DSTN: variants seen among roughly 807,000 people sequenced by gnomAD.
DSTN encodes destrin.
Under a neutral mutation model 16.8 loss-of-function variants are expected in DSTN, and 10 were observed. The observed-to-expected ratio is 0.60, with a 90% confidence interval of 0.37 to 1.01. The LOEUF is 1.01. DSTN is among the 50% of genes least tolerant of loss of function. The pLI, the probability that DSTN is intolerant of heterozygous loss-of-function variation, is 0.01. For synonymous variants in DSTN, 57 were observed against 58.9 expected, an observed-to-expected ratio of 0.97 and a Z score of 0.14; for missense variants, 141 against 196.7, an observed-to-expected ratio of 0.72 and a Z score of 1.69.
chr20:17,570,359 G>C (rs1204851345), intron 1 of DSTN, 148 bp downstream of exon 1: 6 of 1,175,228 alleles, frequency 5.1e-6, no homozygotes, highest in East Asian at 3.2e-5. Flanking sequence ...TGCGGGTGAG[G>C]GGGGGTCTCT....
chr20:17,570,307 C>A (rs572421159), intron 1 of DSTN, 96 bp downstream of exon 1: 3 of 1,365,482 alleles, frequency 2.2e-6, no homozygotes, highest in Non-Finnish European at 1.9e-6. Flanking sequence ...TGAGCCGTGC[C>A]TCAGCCCGGG....
At chr20:17,578,285 C>G (rs2035301852) in intron 1 of DSTN, among the ~76,000 whole-genome samples, 2 of 152,224 alleles carry the variant, frequency 1.3e-5, no homozygotes, top group South Asian at 4.1e-4. Flanking sequence ...ACTGAATGAA[C>G]ATGAATGAGT....
chr20:17,606,794 A>G (rs1018918288), intron 3 of DSTN, among the ~76,000 whole-genome samples: 2 of 152,282 alleles, frequency 1.3e-5, no homozygotes, highest in East Asian at 3.9e-4. Flanking sequence ...TGCTATACCT[A>G]TATATATAAT....
intron 1 of DSTN, among the ~76,000 whole-genome samples, chr20:17,572,625 A>G (rs1264319469): frequency 6.6e-6 from 1 of 152,238 alleles, no homozygotes; most frequent in Non-Finnish European, 1.5e-5. Context: ...TTGGCGCAGT[A>G]TTCAAGTATT....
intron 1 of DSTN, among the ~76,000 whole-genome samples, chr20:17,597,763 C>T (rs1404256512): frequency 6.6e-6 from 1 of 152,196 alleles, no homozygotes; most frequent in African/African-American, 2.4e-5. Flanking sequence ...AGTATATTCA[C>T]AGTTGTGTAT....
rs1395925889 is a variant in DSTN, at chr20:17,570,177, TC to T, written c.-27del. The T allele has an allele frequency of 1.3e-6, 2 of 1,517,038 alleles. No homozygotes were observed. The highest frequency in any genetic ancestry group is 2.7e-5 in the East Asian group (1 of 37,284). 94.0% of individuals were successfully genotyped at this position (1,517,038 alleles called of 1,614,324 possible). A position where few individuals can be genotyped will look rare whatever the true frequency, so the allele number is the denominator to read the frequency against. The stretch of plus-strand genomic sequence containing the variant: ...GCATACTCGCTGCCCGCCGGCTCCC[TC>T]CCCCGCGTCCCTGCGACCGCCGCGG... On this transcript the variant is annotated 5_prime_UTR_variant, in exon 1 of 4. Coordinates refer to ENST00000246069, the MANE Select transcript of DSTN (RefSeq NM_006870.4).
intron 1 of DSTN, among the ~76,000 whole-genome samples, chr20:17,583,348 C>G (rs2035367385): frequency 6.6e-6 from 1 of 152,146 alleles, no homozygotes; most frequent in African/African-American, 2.4e-5. Context: ...CCTACATATC[C>G]AAGCAAAATG....
At chr20:17,580,759 A>T (rs2035334175) in intron 1 of DSTN, among the ~76,000 whole-genome samples, 1 of 152,140 alleles carries the variant, frequency 6.6e-6, no homozygotes, top group South Asian at 2.1e-4. Context: ...AAAAAAAAAA[A>T]AAAATGGGAA....
At position 17,607,159 on chromosome 20, in the gene DSTN, C is replaced by A. The variant is rs751925553; in HGVS notation, c.*13C>A. The A allele has an allele frequency of 1.3e-5, 21 of 1,603,590 alleles. No individual in the cohort carries two copies. The Admixed American group carries it at 3.6e-4, about 27-fold the overall frequency. On this transcript the variant is annotated 3_prime_UTR_variant, in exon 4 of 4. Coordinates refer to ENST00000246069, the MANE Select transcript of DSTN (RefSeq NM_006870.4). ...ATGCCCTGTGTAGATTATTCAGTGC[C>A]ACAAATTGAAAGCTTCCATGTTTAA...
intron 1 of DSTN, among the ~76,000 whole-genome samples, chr20:17,571,208 C>T (rs568774477): frequency 6.6e-6 from 1 of 152,348 alleles, no homozygotes; most frequent in East Asian, 1.9e-4. Context: ...AGTGTGCACA[C>T]ACTGTTACCA....
intron 1 of DSTN, chr20:17,596,606 CTGAA>C (rs1568737891): frequency 1.0e-6 from 1 of 985,118 alleles, no homozygotes; most frequent in East Asian, 1.1e-4. Context: ...GCTTTCTTCT[CTGAA>C]TATTTGTAAT....
intron 1 of DSTN, among the ~76,000 whole-genome samples, chr20:17,589,411 A>T (rs748201781): frequency 6.6e-6 from 1 of 152,164 alleles, no homozygotes; most frequent in Non-Finnish European, 1.5e-5. Flanking sequence ...GGGTTTCACC[A>T]TGTTAACCAG....
chr20:17,593,470 T>C (rs1255562205), intron 1 of DSTN, among the ~76,000 whole-genome samples: 1 of 152,164 alleles, frequency 6.6e-6, no homozygotes, highest in Non-Finnish European at 1.5e-5. Flanking sequence ...GGAGATGATA[T>C]TAAGTAATTT....
At chr20:17,570,425 G>C (rs1215003914) in intron 1 of DSTN, among the ~76,000 whole-genome samples, 1 of 152,234 alleles carries the variant, frequency 6.6e-6, no homozygotes, top group Non-Finnish European at 1.5e-5. Flanking sequence ...GTGGATCCGC[G>C]GCTGTTGCGC....
At chr20:17,585,208 A>C (rs1235138534) in intron 1 of DSTN, among the ~76,000 whole-genome samples, 1 of 152,214 alleles carries the variant, frequency 6.6e-6, no homozygotes, top group Non-Finnish European at 1.5e-5. Flanking sequence ...CTGTTAATAA[A>C]TAAGGACTTT....
chr20:17,596,038 CT>C (rs1387551561), intron 1 of DSTN, among the ~76,000 whole-genome samples: 1 of 152,196 alleles, frequency 6.6e-6, no homozygotes, highest in Non-Finnish European at 1.5e-5. Flanking sequence ...TTTCTCCCAT[CT>C]GTTGAAATGT....
chr20:17,570,079 C>T lies in DSTN; in HGVS notation c.-130C>T. On this transcript the variant is annotated 5_prime_UTR_variant, in exon 1 of 4. Transcript: ENST00000246069. ...GTTCCGTCCTGAGGCGCGCCCGCCCCGGGGTAAGCTCGCGCCGCCGCGTCA... is the reference window on the plus strand; with the variant it reads ...GTTCCGTCCTGAGGCGCGCCCGCCCTGGGGTAAGCTCGCGCCGCCGCGTCA... 2 of 1,393,094 alleles carry T rather than the reference C, an allele frequency of 1.4e-6. No individual in the cohort carries two copies. Among genetic ancestry groups the T allele is most frequent in the Non-Finnish European group, 9.5e-7 (1 of 1,055,092 alleles). The allele number at this position is 1,393,094 out of a possible 1,614,324, so 86.3% of individuals were successfully genotyped here.
At chr20:17,602,113 C>CA (rs2035593969) in intron 2 of DSTN, among the ~76,000 whole-genome samples, 1 of 152,078 alleles carries the variant, frequency 6.6e-6, no homozygotes, top group Non-Finnish European at 1.5e-5. Context: ...AACTCGAGGT[C>CA]ACACCTCACT....
intron 2 of DSTN, among the ~76,000 whole-genome samples, 181 bp from the exon 3 acceptor site, chr20:17,604,374 C>T (rs767794044): frequency 4.1e-4 from 62 of 152,138 alleles, no homozygotes; most frequent in Non-Finnish European, 8.1e-4. Flanking sequence ...TCTGCATATG[C>T]CTATCTGTAG....
Sources: gnomAD v4.1 joint callset for allele counts (sites outside exome capture counted in the v4.1 genomes callset) on GRCh38, gnomAD v4.1.1 for gene constraint, MANE v1.5 for transcripts, NCBI Gene and HGNC (gene_info 2026-07-23, HGNC 2026-07-21) for gene names.